HMGN5: variants seen among roughly 807,000 people sequenced by gnomAD.
The protein encoded by HMGN5 is high mobility group nucleosome binding domain 5.
HMGN5 carries 4 observed loss-of-function variants against 9.5 expected under a neutral mutation model. The observed-to-expected ratio is 0.42, with a 90% confidence interval of 0.21 to 0.96. HMGN5 has a LOEUF of 0.96. HMGN5 is among the 40% of genes least tolerant of loss of function. The pLI is 0.30. For synonymous variants in HMGN5, 55 were observed against 57.1 expected (o/e 0.96, Z 0.16); for missense variants, 192 against 187.5 (o/e 1.02, Z -0.14).
At chrX:81,171,540 CAT>C (rs1282437961) in intron 1 of HMGN5, among the ~76,000 whole-genome samples, 1 of 111,266 alleles carries the variant, frequency 9.0e-6, no homozygotes, top group Non-Finnish European at 1.9e-5. Context: ...TTTTGAATCA[CAT>C]GTTTATGAAT....
intron 1 of HMGN5, among the ~76,000 whole-genome samples, chrX:81,136,057 G>T (rs1399318541): frequency 1.8e-5 from 2 of 111,572 alleles, no homozygotes; most frequent in Non-Finnish European, 3.8e-5. Flanking sequence ...CTCACCAGAT[G>T]CAGCCACCTG....
At chrX:81,178,187 T>C (rs1246640747) in intron 1 of HMGN5, among the ~76,000 whole-genome samples, 2 of 111,159 alleles carry the variant, frequency 1.8e-5, no homozygotes, top group Non-Finnish European at 3.8e-5. Flanking sequence ...ATTCAAAAGC[T>C]AGCAGAAGGC....
intron 1 of HMGN5, among the ~76,000 whole-genome samples, chrX:81,185,912 A>T (rs1298188224): frequency 8.9e-6 from 1 of 111,780 alleles, no homozygotes; most frequent in Non-Finnish European, 1.9e-5. Context: ...TATGATGTAT[A>T]ACAATAATTG....
At chrX:81,125,185 T>C (rs1443883746) in intron 1 of HMGN5, among the ~76,000 whole-genome samples, 2 of 109,969 alleles carry the variant, frequency 1.8e-5, no homozygotes, top group Non-Finnish European at 3.8e-5. Context: ...AAATACTTTA[T>C]TTTCTCTGTT....
chrX:81,181,685 G>A (rs1381436888), intron 1 of HMGN5, among the ~76,000 whole-genome samples: 3 of 111,565 alleles, frequency 2.7e-5, no homozygotes, highest in African/African-American at 9.8e-5. Context: ...CCACAAATAA[G>A]TGAGAATGTG....
intron 1 of HMGN5, 57 bp downstream of exon 1, chrX:81,201,680 T>C (rs2075527608): frequency 8.7e-6 from 1 of 114,420 alleles, no homozygotes; most frequent in Admixed American, 9.2e-5. Flanking sequence ...GAAAAATCAC[T>C]ACGTAATAGG....
chrX:81,116,082 T>C (rs756992412), intron 6 of HMGN5, 122 bp downstream of exon 6: 1 of 478,796 alleles, frequency 2.1e-6, no homozygotes, highest in Non-Finnish European at 3.5e-6. Flanking sequence ...ACCATTATAC[T>C]ATAGAACCAC....
At chrX:81,137,074 T>C (rs959186346) in intron 1 of HMGN5, among the ~76,000 whole-genome samples, 2 of 111,104 alleles carry the variant, frequency 1.8e-5, no homozygotes, top group African/African-American at 3.3e-5. Context: ...CAAAATCTGA[T>C]AGACCCAAAG....
At chrX:81,130,514 T>A (rs921009680) in intron 1 of HMGN5, among the ~76,000 whole-genome samples, 3 of 111,572 alleles carry the variant, frequency 2.7e-5, no homozygotes, top group African/African-American at 9.7e-5. Context: ...TTTTCAGTAA[T>A]TCTGCTTTTG....
At chrX:81,152,178 A>G (rs1398542885) in intron 1 of HMGN5, among the ~76,000 whole-genome samples, 3 of 112,067 alleles carry the variant, frequency 2.7e-5, no homozygotes, top group Admixed American at 9.5e-5. Flanking sequence ...TCTGCACAGC[A>G]AAAGAAACTA....
At chrX:81,140,053 A>C (rs1240507590) in intron 1 of HMGN5, among the ~76,000 whole-genome samples, 1 of 111,827 alleles carries the variant, frequency 8.9e-6, no homozygotes, top group Non-Finnish European at 1.9e-5. Flanking sequence ...CCCTAACCCC[A>C]GGCTGCATAG....
intron 1 of HMGN5, among the ~76,000 whole-genome samples, chrX:81,137,979 A>C (rs777097931): frequency 4.5e-5 from 5 of 111,367 alleles, no homozygotes; most frequent in Non-Finnish European, 9.5e-5. Context: ...AAAATCACAC[A>C]CTCTAAAATC....
At chrX:81,121,927 G>T (rs747712988) in intron 1 of HMGN5, among the ~76,000 whole-genome samples, 1 of 112,845 alleles carries the variant, frequency 8.9e-6, no homozygotes, top group African/African-American at 3.2e-5. Flanking sequence ...AATAAGAACA[G>T]CAGGAAAGCC....
intron 1 of HMGN5, among the ~76,000 whole-genome samples, chrX:81,181,875 T>C (rs2075463819): frequency 8.9e-6 from 1 of 112,358 alleles, no homozygotes; most frequent in African/African-American, 3.2e-5. Flanking sequence ...CTTCCAAATC[T>C]TGGCTATTGG....
intron 1 of HMGN5, among the ~76,000 whole-genome samples, chrX:81,193,138 TCTGGATTATAG>T (rs2075498651): frequency 1.8e-5 from 2 of 111,468 alleles, no homozygotes; most frequent in African/African-American, 6.5e-5. Flanking sequence ...TTTTCTTGTT[TCTGGATTATAG>T]CTGTTCGGAG....
chrX:81,173,532 TAAAA>T (rs2075432667), intron 1 of HMGN5, among the ~76,000 whole-genome samples: 1 of 111,863 alleles, frequency 8.9e-6, no homozygotes, highest in Admixed American at 9.5e-5. Flanking sequence ...ACAAGATAAA[TAAAA>T]ACAGTTTAAA....
intron 1 of HMGN5, among the ~76,000 whole-genome samples, chrX:81,126,513 A>G (rs913825038): frequency 6.3e-5 from 7 of 111,732 alleles, no homozygotes; most frequent in Non-Finnish European, 1.1e-4. Context: ...AGTCTGGTGA[A>G]TGTGAGTTTT....
At chrX:81,119,376 C>T (rs983900844) in intron 3 of HMGN5, among the ~76,000 whole-genome samples, 3 of 111,210 alleles carry the variant, frequency 2.7e-5, no homozygotes, top group Non-Finnish European at 5.7e-5. Flanking sequence ...AATGCAATAA[C>T]AAAAACTATA....
chrX:81,195,273 T>G (rs1345922172), intron 1 of HMGN5: 2 of 111,351 alleles, frequency 1.8e-5, no homozygotes, highest in Non-Finnish European at 3.8e-5. Context: ...GAACTTGTAT[T>G]CCAATGTTCA....
Sources: gnomAD v4.1 joint callset for allele counts (sites outside exome capture counted in the v4.1 genomes callset) on GRCh38, gnomAD v4.1.1 for gene constraint, MANE v1.5 for transcripts, NCBI Gene and HGNC (gene_info 2026-07-23, HGNC 2026-07-21) for gene names.